Variants in ERLEC1 observed in about 807,000 individuals in gnomAD.
ERLEC1 encodes ER lectin.
Under a neutral mutation model 68.0 loss-of-function variants are expected in ERLEC1, and 47 were observed. The ratio of observed to expected loss-of-function variants is 0.69; its 90% CI spans 0.55 to 0.88. ERLEC1 has a LOEUF of 0.88. ERLEC1 is among the 40% of genes least tolerant of loss of function. The pLI is 0.00. For missense variants in ERLEC1, 567 were observed against 583.8 expected (o/e 0.97, Z 0.30); for synonymous variants, 225 against 203.2 (o/e 1.11, Z -0.91).
rs1483264000 is a variant in ERLEC1, at chr2:53,787,077, C to A, written c.-134C>A. ...CGTTGCCGGGCTCTCCGGAAGGAGA[C>A]GTGGCGGCGGTTGGGCCGGTGATAC... On this transcript the variant is annotated 5_prime_UTR_variant, in exon 1 of 14. Transcript: ENST00000185150. 1.5e-5 allele frequency: 18 copies of A among 1,237,186 alleles called. No individual in the cohort carries two copies. The highest frequency in any genetic ancestry group is 1.8e-5 in the Non-Finnish European group (17 of 932,476). The allele number at this position is 1,237,186 out of a possible 1,614,324, so 76.6% of individuals were successfully genotyped here.
chr2:53,789,998 G>A (rs1398046835), intron 1 of ERLEC1, among the ~76,000 whole-genome samples: 4 of 144,998 alleles, frequency 2.8e-5, no homozygotes, highest in Admixed American at 7.1e-5. Flanking sequence ...CATCCTGGGC[G>A]ACAGAGGAGT....
At chr2:53,794,544 T>A (rs1295510303) in intron 2 of ERLEC1, 95 bp downstream of exon 2, 2 of 611,778 alleles carry the variant, frequency 3.3e-6, no homozygotes, top group Non-Finnish European at 5.7e-6. Context: ...GAATAACAGA[T>A]TTCTCAATAA....
rs757724942 is a variant in ERLEC1 at position 53,801,546 on chromosome 2, A to G, written c.675A>G (p.Ser225=). 6.2e-7 allele frequency: 1 copy of G among 1,614,174 alleles called. No individual in the cohort carries two copies. Among genetic ancestry groups the G allele is most frequent in the Non-Finnish European group, 8.5e-7 (1 of 1,179,992 alleles). The part of the protein sequence containing the change: ...CHPESKHEIL[S]VAEVTTCEYE... ...CTGAATCTAAGCATGAAATTCTTTCAGTAGCTGAAGTTACAACTTGTGAAT... is the reference window on the plus strand; with the variant it reads ...CTGAATCTAAGCATGAAATTCTTTCGGTAGCTGAAGTTACAACTTGTGAAT... Residue 225 remains serine, a synonymous_variant, in exon 7 of 14, where the codon TCA becomes TCG. Coordinates refer to ENST00000185150, the MANE Select transcript of ERLEC1 (RefSeq NM_015701.5).
At position 53,794,083 on chromosome 2, in the gene ERLEC1, A is replaced by G. The variant is rs1017732888; in HGVS notation, c.163-262A>G. 2.6e-4 allele frequency among the ~76,000 whole-genome samples: 40 copies of G among 152,172 alleles called. 1 individual carries two copies. The highest frequency in any genetic ancestry group is 2.2e-3 in the Admixed American group (34 of 15,282). On this transcript the variant is annotated intron_variant, in intron 1 of 13. Coordinates refer to ENST00000185150, the MANE Select transcript of ERLEC1 (RefSeq NM_015701.5). ...ACTACCTATGAAGTATTAGGATACT[A>G]TGTTCAATACTTGGGTGACAGGGAT...
rs566755001 is a variant in ERLEC1, at chr2:53,814,927, A to C, written c.1372A>C (p.Ile458Leu). 17 of 1,567,740 alleles carry C rather than the reference A, an allele frequency of 1.1e-5. No individual in the cohort carries two copies. In the East Asian group the frequency reaches 3.7e-4, roughly 34 times the overall value. The change falls in exon 13 of 14, where the codon ATT (isoleucine) becomes CTT (leucine). Residue 458 changes from isoleucine to leucine, a missense_variant. Ile to Leu is a conservative substitution (Grantham distance 5). Coordinates refer to ENST00000185150, the MANE Select transcript of ERLEC1 (RefSeq NM_015701.5). ...GCTAGAGCCTCACTCCTGTCAATATATTCTTGGGGTAAGTTAAAAAGAAAA... is the reference window on the plus strand; with the variant it reads ...GCTAGAGCCTCACTCCTGTCAATATCTTCTTGGGGTAAGTTAAAAAGAAAA... Reference protein sequence around the residue: ...YMLEPHSCQYILGVESPVICK... With the variant: ...YMLEPHSCQYLLGVESPVICK...
At chr2:53,812,078 C>T (rs988250900) in intron 10 of ERLEC1, among the ~76,000 whole-genome samples, 18 of 152,212 alleles carry the variant, frequency 1.2e-4, no homozygotes, top group Non-Finnish European at 2.2e-4. Flanking sequence ...CCAGCACGCC[C>T]GGCTAATTTT....
intron 13 of ERLEC1, among the ~76,000 whole-genome samples, chr2:53,816,129 G>A (rs1179203665): frequency 6.6e-6 from 1 of 151,996 alleles, no homozygotes; most frequent in African/African-American, 2.4e-5. Flanking sequence ...TACACAGGCT[G>A]GAATGCAGTG....
chr2:53,797,821 A>T, intron 5 of ERLEC1, 26 bp downstream of exon 5: 5 of 1,574,058 alleles, frequency 3.2e-6, no homozygotes, highest in Non-Finnish European at 4.3e-6. Context: ...GTGATTTGAC[A>T]GTAATGCTGG....
Position 53,818,131 on chromosome 2 carries a change from A to G in ERLEC1, c.*162A>G. On this transcript the variant is annotated 3_prime_UTR_variant, in exon 14 of 14. Transcript: ENST00000185150. The stretch of plus-strand genomic sequence containing the variant: ...AATACATATGTGTATATAAGAGGTT[A>G]TTGATAAACTTCTGAGGCAGACATT... 1 of 462,924 alleles carries G rather than the reference A, an allele frequency of 2.2e-6. No homozygotes were observed. Among genetic ancestry groups the G allele is most frequent in the Non-Finnish European group, 3.9e-6 (1 of 258,608 alleles). The allele number at this position is 462,924 out of a possible 1,614,324, so 28.7% of individuals were successfully genotyped here.
chr2:53,804,201 A>T (rs778887768), intron 8 of ERLEC1, among the ~76,000 whole-genome samples: 35 of 152,170 alleles, frequency 2.3e-4, no homozygotes, highest in African/African-American at 3.4e-4. Context: ...GTGGGTACAT[A>T]GCAGGTGTAT....
chr2:53,814,028 A>G (rs1676730108), intron 11 of ERLEC1, among the ~76,000 whole-genome samples: 2 of 152,180 alleles, frequency 1.3e-5, no homozygotes, highest in African/African-American at 4.8e-5. Flanking sequence ...TTGTGGTATC[A>G]TGTACAATAT....
intron 8 of ERLEC1, among the ~76,000 whole-genome samples, chr2:53,803,945 C>G (rs1027725999): frequency 6.6e-6 from 1 of 152,042 alleles, no homozygotes; most frequent in African/African-American, 2.4e-5. Context: ...CCTGGCCAAC[C>G]TGGCAAAACC....
At position 53,787,249 on chromosome 2, in the gene ERLEC1, G is replaced by C; in HGVS notation, c.39G>C (p.Pro13=). ...EGGGGVRSLV[P]GGPVLLVLCG... is the part of the protein sequence containing the mutation. ...GCGGCGGCGTACGGAGTCTGGTCCCGGGCGGGCCGGTGTTACTGGTCCTCT... is the reference window on the plus strand; with the variant it reads ...GCGGCGGCGTACGGAGTCTGGTCCCCGGCGGGCCGGTGTTACTGGTCCTCT... Residue 13 remains proline, a synonymous_variant, in exon 1 of 14, where the codon CCG becomes CCC. Transcript: ENST00000185150. 1.2e-6 allele frequency: 2 copies of C among 1,606,884 alleles called. No homozygotes were observed. Among genetic ancestry groups the C allele is most frequent in the South Asian group, 2.2e-5 (2 of 91,034 alleles).
At chr2:53,799,868 T>G (rs968712431) in intron 6 of ERLEC1, among the ~76,000 whole-genome samples, 1 of 152,156 alleles carries the variant, frequency 6.6e-6, no homozygotes, top group Admixed American at 6.5e-5. Context: ...GATTTTAATT[T>G]TATAGACTAC....
chr2:53,815,089 T>C (rs1189071255), intron 13 of ERLEC1, among the ~76,000 whole-genome samples, 154 bp downstream of exon 13: 1 of 142,192 alleles, frequency 7.0e-6, no homozygotes, highest in Admixed American at 7.5e-5. Context: ...CACTGCAACC[T>C]CTGCCTCCCA....
rs1676030765 is a variant in ERLEC1, at chr2:53,801,992, A to G, written c.879+150A>G. 44 of 635,620 alleles carry G rather than the reference A, an allele frequency of 6.9e-5. 1 individual carries two copies. In the South Asian group the frequency reaches 9.3e-4, roughly 13 times the overall value. The allele number at this position is 635,620 out of a possible 1,614,324, so 39.4% of individuals were successfully genotyped here. A position where few individuals can be genotyped will look rare whatever the true frequency, so the allele number is the denominator to read the frequency against. On this transcript the variant is annotated intron_variant, in intron 8 of 13. Coordinates refer to ENST00000185150, the MANE Select transcript of ERLEC1 (RefSeq NM_015701.5). ...AATTTCATTTCTTTTCATTGATTTT[A>G]ATCCTTTTCCTTATTCTAGTACTAC...
chr2:53,813,197 CTTTTAGGTTAG>C, intron 11 of ERLEC1, 124 bp downstream of exon 11: 2 of 1,147,522 alleles, frequency 1.7e-6, no homozygotes, highest in Non-Finnish European at 2.5e-6. Flanking sequence ...CAAGGGATAT[CTTTTAGGTTAG>C]TTTTCTTTTC....
At chr2:53,817,807 G>C in intron 13 of ERLEC1, 91 bp from the exon 14 acceptor site, 3 of 726,622 alleles carry the variant, frequency 4.1e-6, no homozygotes, top group Non-Finnish European at 7.3e-6. Context: ...CATGCTTCTA[G>C]CAAATATAAC....
intron 13 of ERLEC1, among the ~76,000 whole-genome samples, chr2:53,815,713 T>C (rs1003274541): frequency 3.3e-5 from 5 of 152,216 alleles, no homozygotes; most frequent in Non-Finnish European, 5.9e-5. Context: ...AACACTTTTT[T>C]TTGGTGGTGT....
Sources: allele counts gnomAD v4.1 joint callset (sites outside exome capture counted in the v4.1 genomes callset), GRCh38; gene constraint gnomAD v4.1.1; transcripts MANE v1.5; gene names NCBI Gene and HGNC (gene_info 2026-07-23, HGNC 2026-07-21).